SGPL1: variants seen among roughly 807,000 people sequenced by gnomAD.
SGPL1 encodes the protein SP-lyase 1.
In SGPL1, 37 loss-of-function variants were observed where a neutral mutation model predicts 68.9. That is an observed-to-expected ratio of 0.54 (90% confidence interval 0.41 to 0.71). The LOEUF (loss-of-function observed/expected upper bound fraction) is 0.71, where lower values mean the gene tolerates loss of function less well. SGPL1 is among the 30% of genes least tolerant of loss of function. The probability of loss-of-function intolerance (pLI) is 0.00; values close to 1 mark genes in which losing one functional copy is unlikely to be tolerated. For synonymous variants in SGPL1, 236 were observed against 248.5 expected (o/e 0.95, Z 0.47); for missense variants, 551 against 704.6 (o/e 0.78, Z 2.47).
At chr10:70,843,018 C>CT (rs1373245605) in intron 2 of SGPL1, among the ~76,000 whole-genome samples, 3 of 152,226 alleles carry the variant, frequency 2.0e-5, no homozygotes, top group Non-Finnish European at 4.4e-5. Context: ...CATATGCAGA[C>CT]TCTTTTTATG....
At chr10:70,856,149 C>T (rs1845959988) in intron 5 of SGPL1, among the ~76,000 whole-genome samples, 2 of 152,114 alleles carry the variant, frequency 1.3e-5, no homozygotes, top group South Asian at 4.2e-4. Flanking sequence ...CGTGCGGCAC[C>T]ATACCCAGCT....
chr10:70,858,901 T>A (rs113767067), intron 6 of SGPL1, among the ~76,000 whole-genome samples: 2 of 152,274 alleles, frequency 1.3e-5, no homozygotes, highest in African/African-American at 2.4e-5. Context: ...CTCTTCAGGG[T>A]CCCTTAGCAC....
chr10:70,868,895 AAAT>A (rs1285347449), intron 8 of SGPL1, among the ~76,000 whole-genome samples: 1 of 152,170 alleles, frequency 6.6e-6, no homozygotes, highest in Non-Finnish European at 1.5e-5. Context: ...GGAAGAATAA[AAAT>A]ATCTTTTTGA....
intron 7 of SGPL1, among the ~76,000 whole-genome samples, chr10:70,861,236 A>T (rs1467273761): frequency 6.6e-6 from 1 of 152,102 alleles, no homozygotes; most frequent in Non-Finnish European, 1.5e-5. Context: ...CCAGAGAGAC[A>T]AAGAAATAGA....
chr10:70,845,885 C>T (rs1266731168), intron 3 of SGPL1, among the ~76,000 whole-genome samples: 1 of 152,192 alleles, frequency 6.6e-6, no homozygotes, highest in African/African-American at 2.4e-5. Flanking sequence ...CACTTTGCTT[C>T]CCTGATAACA....
intron 2 of SGPL1, among the ~76,000 whole-genome samples, chr10:70,831,777 A>T (rs917797687): frequency 3.3e-5 from 5 of 152,188 alleles, no homozygotes; most frequent in Non-Finnish European, 7.3e-5. Context: ...CACAGGAGGC[A>T]TGATCTCATA....
rs191968154 is a variant in SGPL1, at chr10:70,840,880, G to T, written c.28-3593G>T. Among the ~76,000 whole-genome samples, 489 of 152,220 alleles carry T rather than the reference G, an allele frequency of 3.2e-3. 4 individuals are homozygous for T. The highest frequency in any genetic ancestry group is 8.6e-3 in the Admixed American group (131 of 15,282). On this transcript the variant is annotated intron_variant, in intron 2 of 14. Coordinates refer to ENST00000373202, the MANE Select transcript of SGPL1 (RefSeq NM_003901.4). ...TTGCTGTCACCCTAATACTGGTTAT[G>T]TTACTTTTTTGCTCAGTGCTGTGAA...
In SGPL1 at chr10:70,877,316, G is replaced by C; in HGVS notation, c.1688G>C (p.Gly563Ala). Residue 563 changes from glycine (G) to alanine (A), a missense_variant, in exon 15 of 15, where the codon GGT becomes GCT. Physicochemically the swap from Gly to Ala is moderately conservative, Grantham distance 60. Coordinates refer to ENST00000373202, the MANE Select transcript of SGPL1 (RefSeq NM_003901.4). ...DTVTQGSQMN[G>A]SPKPH The stretch of plus-strand genomic sequence containing the variant: ...GTCACCCAGGGCAGCCAGATGAATG[G>C]TTCTCCAAAACCCCACTGAACTTGG... The C allele has an allele frequency of 6.2e-7, 1 of 1,614,190 alleles. No homozygotes were observed. Among genetic ancestry groups the C allele is most frequent in the African/African-American group, 1.3e-5 (1 of 75,048 alleles).
At chr10:70,834,165 T>TG (rs1293092165) in intron 2 of SGPL1, among the ~76,000 whole-genome samples, 1 of 152,148 alleles carries the variant, frequency 6.6e-6, no homozygotes, top group Non-Finnish European at 1.5e-5. Context: ...GAGAATGGAT[T>TG]CTTAAGCAGT....
At chr10:70,832,008 A>G (rs1217323457) in intron 2 of SGPL1, among the ~76,000 whole-genome samples, 3 of 152,214 alleles carry the variant, frequency 2.0e-5, no homozygotes, top group Non-Finnish European at 4.4e-5. Context: ...CCCCAGCATT[A>G]TAATAGAAGA....
intron 7 of SGPL1, chr10:70,860,408 TTTTG>T: frequency 4.3e-6 from 2 of 469,856 alleles, no homozygotes; most frequent in Middle Eastern, 6.5e-4. Context: ...ATTGTTTTTG[TTTTG>T]TTTTTCTAAT....
Position 70,831,531 on chromosome 10 carries a change from T to C in SGPL1, c.28-12942T>C, listed in dbSNP as rs192097029. On this transcript the variant is annotated intron_variant, in intron 2 of 14. Coordinates refer to ENST00000373202, the MANE Select transcript of SGPL1 (RefSeq NM_003901.4). ...AGCTCACAGAACTCAGGGAAACATT[T>C]ACTTAGGTTTACAGGTTTATTTTAA... Among the ~76,000 whole-genome samples the C allele has an allele frequency of 1.5e-4, 23 of 152,310 alleles. No homozygotes were observed. In the East Asian group the frequency reaches 4.1e-3, roughly 27 times the overall value.
Position 70,818,425 on chromosome 10 carries a change from A to AGTTT in SGPL1, c.27+1562_27+1565dup, listed in dbSNP as rs140328300. Among the ~76,000 whole-genome samples the AGTTT allele has an allele frequency of 8.9e-3, 1,349 of 152,252 alleles. 31 individuals carry two copies. The highest frequency in any genetic ancestry group is 0.031 in the African/African-American group (1,277 of 41,512). On this transcript the variant is annotated intron_variant, in intron 2 of 14. Coordinates refer to ENST00000373202, the MANE Select transcript of SGPL1 (RefSeq NM_003901.4). ...AGGCGTGAGCCGCCGTGTCCAGCCA[A>AGTTT]GTTTGTTTGTTTGTTTGTTTTTGTC...
chr10:70,876,784 T>G (rs1189208808), intron 14 of SGPL1, 123 bp downstream of exon 14: 1 of 868,960 alleles, frequency 1.2e-6, no homozygotes, highest in African/African-American at 1.7e-5. Flanking sequence ...CATCTTTTAT[T>G]TGTTGACTGG....
At chr10:70,822,131 A>G (rs1299242244) in intron 2 of SGPL1, among the ~76,000 whole-genome samples, 1 of 152,332 alleles carries the variant, frequency 6.6e-6, no homozygotes, top group East Asian at 1.9e-4. Context: ...GATTGACCTT[A>G]GGAGCTCTGT....
chr10:70,824,042 A>G (rs986012389), intron 2 of SGPL1, among the ~76,000 whole-genome samples: 31 of 152,226 alleles, frequency 2.0e-4, no homozygotes, highest in African/African-American at 7.5e-4. Flanking sequence ...TGTTAATATC[A>G]ACCCTAGACC....
chr10:70,877,389 A>T lies in SGPL1; in HGVS notation c.*54A>T. 6.3e-7 allele frequency: 1 copy of T among 1,587,816 alleles called. No individual in the cohort carries two copies. Among genetic ancestry groups the T allele is most frequent in the Non-Finnish European group, 8.6e-7 (1 of 1,156,786 alleles). On this transcript the variant is annotated 3_prime_UTR_variant, in exon 15 of 15. Transcript: ENST00000373202. Reference sequence around the variant, plus strand: ...TTCCAGCCTTCAGAAGGTTCTTGGGATATGGAACAGGCCGTGCACAACTTT... The same window carrying T: ...TTCCAGCCTTCAGAAGGTTCTTGGGTTATGGAACAGGCCGTGCACAACTTT...
rs768734116 is a variant in SGPL1 at position 70,877,344 on chromosome 10, C to T, written c.*9C>T. On this transcript the variant is annotated 3_prime_UTR_variant, in exon 15 of 15. Coordinates refer to ENST00000373202, the MANE Select transcript of SGPL1 (RefSeq NM_003901.4). ...CTCCAAAACCCCACTGAACTTGGAC[C>T]CTTTCTAGTCTCAAGGGGATTCCAG... The T allele has an allele frequency of 3.7e-6, 6 of 1,613,828 alleles. No individual in the cohort carries two copies. Among genetic ancestry groups the T allele is most frequent in the Middle Eastern group, 1.6e-4 (1 of 6,080 alleles).
rs1215358151 is a variant in SGPL1, at chr10:70,816,857, C to G, written c.4C>G (p.Pro2Ala). ...GAGAGGAGGCTGGAAGAGGAAGATG[C>G]CTAGCACAGACCTTCTGATGTTGGT... M[P>A]STDLLMLKAF... is the part of the protein sequence containing the mutation. The change falls in exon 2 of 15, where the codon CCT becomes GCT. Residue 2 changes from proline (P) to alanine (A), a missense_variant. Pro to Ala is a conservative substitution (Grantham distance 27). Coordinates refer to ENST00000373202, the MANE Select transcript of SGPL1 (RefSeq NM_003901.4). 2 of 1,613,880 alleles carry G rather than the reference C, an allele frequency of 1.2e-6. No homozygotes were observed. Among genetic ancestry groups the G allele is most frequent in the Admixed American group, 1.7e-5 (1 of 59,992 alleles).
Sources: gnomAD v4.1 joint callset for allele counts (sites outside exome capture counted in the v4.1 genomes callset) on GRCh38, gnomAD v4.1.1 for gene constraint, MANE v1.5 for transcripts, NCBI Gene and HGNC (gene_info 2026-07-23, HGNC 2026-07-21) for gene names.